Variants in ADAMTS16 observed in about 807,000 individuals in gnomAD.
ADAMTS16 encodes the protein A disintegrin and metalloproteinase with thrombospondin motifs 16.
ADAMTS16 carries 94 observed loss-of-function variants against 145.8 expected under a neutral mutation model. That is an observed-to-expected ratio of 0.64 (90% CI 0.55 to 0.77). The LOEUF is 0.77. ADAMTS16 is among the 30% of genes least tolerant of loss of function. ADAMTS16 has a pLI of 0.00. For synonymous variants in ADAMTS16, 659 were observed against 604.3 expected (o/e 1.09, Z -1.33); for missense variants, 1,585 against 1,591.5 (o/e 1.00, Z 0.07).
At chr5:5,314,664 A>G (rs771733192) in intron 21 of ADAMTS16, among the ~76,000 whole-genome samples, 77 of 152,362 alleles carry the variant, frequency 5.1e-4, no homozygotes, top group Middle Eastern at 3.4e-3. Context: ...GAAAATTTTG[A>G]GAAATGTGGA....
intron 20 of ADAMTS16, among the ~76,000 whole-genome samples, chr5:5,306,231 C>T (rs970160338): frequency 6.6e-6 from 1 of 152,156 alleles, no homozygotes; most frequent in African/African-American, 2.4e-5. Context: ...TTTAATTTTC[C>T]AGTGAAACGG....
At chr5:5,196,798 T>C (rs972946763) in intron 8 of ADAMTS16, among the ~76,000 whole-genome samples, 1 of 152,172 alleles carries the variant, frequency 6.6e-6, no homozygotes, top group African/African-American at 2.4e-5. Context: ...GTACAGTTCA[T>C]GAGGAAGGTT....
intron 18 of ADAMTS16, among the ~76,000 whole-genome samples, chr5:5,293,021 G>A (rs1414089945): frequency 6.6e-6 from 1 of 152,198 alleles, no homozygotes; most frequent in African/African-American, 2.4e-5. Flanking sequence ...CATCTCATGG[G>A]AATGGAAGCC....
chr5:5,249,991 A>G (rs1439776756), intron 17 of ADAMTS16, among the ~76,000 whole-genome samples: 1 of 152,102 alleles, frequency 6.6e-6, no homozygotes, highest in Non-Finnish European at 1.5e-5. Context: ...CTCCTTTCCA[A>G]CCATAGTCTC....
intron 13 of ADAMTS16, among the ~76,000 whole-genome samples, chr5:5,236,301 C>CT (rs71604119): frequency 0.38 from 55,814 of 148,714 alleles, 10,568 homozygotes; most frequent in Middle Eastern, 0.5. Flanking sequence ...TGTCCCTCCC[C>CT]TTTTTTTTTT....
chr5:5,263,733 T>C (rs941392205), intron 18 of ADAMTS16, among the ~76,000 whole-genome samples: 6 of 152,180 alleles, frequency 3.9e-5, no homozygotes, highest in South Asian at 2.1e-4. Context: ...TTAGCTCTTT[T>C]AGTTCCATCA....
At chr5:5,168,376 T>G (rs1008802528) in intron 3 of ADAMTS16, among the ~76,000 whole-genome samples, 2 of 146,700 alleles carry the variant, frequency 1.4e-5, no homozygotes, top group African/African-American at 5.0e-5. Flanking sequence ...TTATTATTAT[T>G]ATTATTATTT....
chr5:5,237,114 TCATTCATTCAACAAATGATTCCGGA>T lies in ADAMTS16; in HGVS notation c.2154+18_2154+42del. The T allele has an allele frequency of 6.2e-7, 1 of 1,611,566 alleles. No homozygotes were observed. On this transcript the variant is annotated intron_variant, in intron 14 of 22. Transcript: ENST00000274181. ...GGATATGTGAGGTAATCATGATCCTTCATTCATTCAACAAATGATTCCGGACAGTCTGCTTTGTGTCAAGCATCCT... is the reference window on the plus strand; with the variant it reads ...GGATATGTGAGGTAATCATGATCCTTCAGTCTGCTTTGTGTCAAGCATCCT...
intron 17 of ADAMTS16, among the ~76,000 whole-genome samples, chr5:5,261,507 T>G (rs1214640702): frequency 1.4e-5 from 1 of 71,004 alleles, no homozygotes; most frequent in East Asian, 3.6e-4. Context: ...TTTTTTTTTT[T>G]GTCAGAGTCT....
intron 6 of ADAMTS16, among the ~76,000 whole-genome samples, chr5:5,189,263 C>T (rs1488730574): frequency 6.6e-6 from 1 of 152,180 alleles, no homozygotes; most frequent in Non-Finnish European, 1.5e-5. Context: ...TTGGTGCAGG[C>T]TGGTCTGATG....
In ADAMTS16 at chr5:5,314,228, TAAAG is replaced by T. The variant is rs979288191; in HGVS notation, c.3412-3904_3412-3901del. 1.7e-4 allele frequency among the ~76,000 whole-genome samples: 26 copies of T among 152,222 alleles called. 1 individual carries two copies. Among genetic ancestry groups the T allele is most frequent in the African/African-American group, 6.3e-4 (26 of 41,546 alleles). On this transcript the variant is annotated intron_variant, in intron 21 of 22. Coordinates refer to ENST00000274181, the MANE Select transcript of ADAMTS16 (RefSeq NM_139056.4). ...CCAAGGCCCTCAGGAGGAAGGTGAATAAAGAGAGGGACTTAGAGCAGGCCTCTCA... is the reference window on the plus strand; with the variant it reads ...CCAAGGCCCTCAGGAGGAAGGTGAATAGAGGGACTTAGAGCAGGCCTCTCA...
intron 10 of ADAMTS16, among the ~76,000 whole-genome samples, chr5:5,215,870 GTATA>G (rs55703329): frequency 0.035 from 3,533 of 101,052 alleles, 141 homozygotes; most frequent in East Asian, 0.085. Flanking sequence ...GTGTGTATGT[GTATA>G]TATATATATA....
At chr5:5,142,617 C>T (rs1043644295) in intron 2 of ADAMTS16, among the ~76,000 whole-genome samples, 1 of 152,184 alleles carries the variant, frequency 6.6e-6, no homozygotes, top group Non-Finnish European at 1.5e-5. Flanking sequence ...GGTCAACTTA[C>T]TGTTGCCTGT....
At position 5,242,105 on chromosome 5, in the gene ADAMTS16, G is replaced by T. The variant is rs16875122; in HGVS notation, c.2576G>T (p.Arg859Leu). 0.014 allele frequency: 22,995 copies of T among 1,613,816 alleles called. 1,355 individuals carry two copies. In the East Asian group the frequency reaches 0.2, roughly 14 times the overall value. The change falls in exon 17 of 23, where the codon CGC becomes CTC. Residue 859 changes from arginine to leucine, a missense_variant. Physicochemically the swap from Arg to Leu is moderately radical, Grantham distance 102. This residue lies in a region of ADAMTS16 where 834 missense variants were observed against 811.7 expected (regional missense o/e 1.03). Transcript: ENST00000274181. ...PGVAWEYSMPRLGTEKQPPAQ... is the reference protein window; with the variant it reads ...PGVAWEYSMPLLGTEKQPPAQ... ...GTTGCCTGGGAATACTCCATGCCTC[G>T]CTTGGGGACCGAGAAGCAGCCCCCT...
intron 18 of ADAMTS16, among the ~76,000 whole-genome samples, chr5:5,302,094 C>T (rs1457443370): frequency 6.6e-6 from 1 of 152,160 alleles, no homozygotes; most frequent in African/African-American, 2.4e-5. Flanking sequence ...CATGTTTCCC[C>T]CTTCCTCTTG....
chr5:5,252,199 G>T (rs532826036), intron 17 of ADAMTS16, among the ~76,000 whole-genome samples: 1 of 152,246 alleles, frequency 6.6e-6, no homozygotes, highest in South Asian at 2.1e-4. Context: ...CAGGAAAGTC[G>T]CTTTCCATTG....
At chr5:5,311,310 A>C (rs74288248) in intron 21 of ADAMTS16, among the ~76,000 whole-genome samples, 81,399 of 145,810 alleles carry the variant, frequency 0.56, 23,065 homozygotes, top group Admixed American at 0.6. Flanking sequence ...CAAAAAAAAA[A>C]AAAAAAACAA....
At position 5,182,273 on chromosome 5, in the gene ADAMTS16, A is replaced by G. The variant is rs770422908; in HGVS notation, c.731A>G (p.Gln244Arg). Residue 244 changes from glutamine (Q) to arginine (R), a missense_variant, in exon 4 of 23, where the codon CAA becomes CGA. By Grantham distance (43) the Gln-to-Arg change is conservative (BLOSUM62 1). Coordinates refer to ENST00000274181, the MANE Select transcript of ADAMTS16 (RefSeq NM_139056.4). ...AGCGACCTTCGCCTGGGACTGCCAC[A>G]AAAGCAGCATTTCTGTGGAAGACGC... ...HSSDLRLGLPQKQHFCGRRKK... is the reference protein window; with the variant it reads ...HSSDLRLGLPRKQHFCGRRKK... 2 of 1,613,570 alleles carry G rather than the reference A, an allele frequency of 1.2e-6. No individual in the cohort carries two copies. The highest frequency in any genetic ancestry group is 1.7e-5 in the Admixed American group (1 of 59,984).
intron 9 of ADAMTS16, among the ~76,000 whole-genome samples, chr5:5,205,954 A>G (rs1464079292): frequency 6.6e-6 from 1 of 152,182 alleles, no homozygotes; most frequent in Non-Finnish European, 1.5e-5. Context: ...ATTTTAATGA[A>G]GTACAGCTTG....
Sources: gnomAD v4.1 joint callset for allele counts (sites outside exome capture counted in the v4.1 genomes callset) on GRCh38, gnomAD v4.1.1 for gene constraint, gnomAD v4.1.1 regional missense constraint, MANE v1.5 for transcripts, NCBI Gene and HGNC (gene_info 2026-07-23, HGNC 2026-07-21) for gene names.